GSE1: variants seen among roughly 807,000 people sequenced by gnomAD.
GSE1 encodes the protein genetic suppressor element 1.
GSE1 carries 32 observed loss-of-function variants against 112.6 expected under a neutral mutation model. That is an observed-to-expected ratio of 0.28 (90% confidence interval 0.21 to 0.38). The LOEUF (loss-of-function observed/expected upper bound fraction) is 0.38, where lower values mean the gene tolerates loss of function less well. GSE1 is among the 10% of genes least tolerant of loss of function. The pLI is 1.00. For missense variants in GSE1, 2,348 were observed against 1,699.2 expected (o/e 1.38, Z -6.71); for synonymous variants, 1,115 against 735.6 (o/e 1.52, Z -8.35).
At chr16:85,370,098 G>A (rs1267468644) in intron 2 of GSE1, among the ~76,000 whole-genome samples, 1 of 152,150 alleles carries the variant, frequency 6.6e-6, no homozygotes, top group Non-Finnish European at 1.5e-5. Flanking sequence ...CTGGATACTG[G>A]CCGGACCCAG....
chr16:85,237,191 C>T (rs567954537), intron 1 of GSE1, among the ~76,000 whole-genome samples: 15 of 152,252 alleles, frequency 9.9e-5, no homozygotes, highest in South Asian at 2.1e-4. Context: ...GGCGTGGTGG[C>T]GGTCGCCTGT....
intron 1 of GSE1, among the ~76,000 whole-genome samples, chr16:85,270,995 C>A (rs1404234450): frequency 6.6e-6 from 1 of 152,196 alleles, no homozygotes; most frequent in Non-Finnish European, 1.5e-5. Context: ...TCTCCCCCGT[C>A]TCACTGAGGC....
At chr16:85,610,338 G>C (rs1281711332), upstream of GSE1, among the ~76,000 whole-genome samples, 1 of 152,238 alleles carries the variant, frequency 6.6e-6, no homozygotes, top group Non-Finnish European at 1.5e-5. Flanking sequence ...GGGAAAGAGA[G>C]CTGTGCCCAG....
chr16:85,637,676 G>A (rs2050116629), intron 2 of GSE1, among the ~76,000 whole-genome samples: 1 of 152,080 alleles, frequency 6.6e-6, no homozygotes, highest in African/African-American at 2.4e-5. Context: ...AAGTGGCATG[G>A]GGAATTCCAA....
intron 15 of GSE1, chr16:85,671,864 G>C (rs1279571241): frequency 1.3e-5 from 2 of 158,292 alleles, no homozygotes; most frequent in Non-Finnish European, 2.8e-5. Context: ...GCAGGGATGG[G>C]AAGCAGGTCT....
intron 1 of GSE1, among the ~76,000 whole-genome samples, chr16:85,287,656 C>T (rs1397568065): frequency 6.6e-6 from 1 of 152,048 alleles, no homozygotes; most frequent in African/African-American, 2.4e-5. Flanking sequence ...TCTGTGGGGT[C>T]TTTCCTGACC....
At chr16:85,427,364 G>A (rs777510596) in intron 2 of GSE1, among the ~76,000 whole-genome samples, 9 of 152,190 alleles carry the variant, frequency 5.9e-5, no homozygotes, top group Non-Finnish European at 1.2e-4. Context: ...GTTTTAGGCC[G>A]GGCGCAGGGG....
intron 2 of GSE1, among the ~76,000 whole-genome samples, chr16:85,638,067 G>A (rs1038967883): frequency 3.3e-5 from 5 of 152,182 alleles, no homozygotes; most frequent in Non-Finnish European, 7.4e-5. Flanking sequence ...AGCCGCCTGC[G>A]GCAAGCCTTC....
At chr16:85,385,633 G>A (rs894531790) in intron 2 of GSE1, among the ~76,000 whole-genome samples, 18 of 152,202 alleles carry the variant, frequency 1.2e-4, no homozygotes, top group African/African-American at 4.3e-4. Context: ...CCTGGCTGCT[G>A]ACAGATGGTC....
At chr16:85,366,876 G>A (rs998817593) in intron 2 of GSE1, among the ~76,000 whole-genome samples, 1 of 152,258 alleles carries the variant, frequency 6.6e-6, no homozygotes, top group Non-Finnish European at 1.5e-5. Context: ...TTCCCAATAA[G>A]TTGGTGATAA....
At chr16:85,246,770 C>G (rs1008209101) in intron 1 of GSE1, among the ~76,000 whole-genome samples, 1 of 152,020 alleles carries the variant, frequency 6.6e-6, no homozygotes, top group Non-Finnish European at 1.5e-5. Context: ...GAAATGGGCA[C>G]CCTCTGGGGG....
chr16:85,519,342 C>T (rs1464968804), intron 2 of GSE1, among the ~76,000 whole-genome samples: 5 of 135,606 alleles, frequency 3.7e-5, no homozygotes, highest in African/African-American at 1.5e-4. Flanking sequence ...ACTTTTACCA[C>T]CATCACTATC....
At chr16:85,414,367 T>A (rs1268892392) in intron 2 of GSE1, among the ~76,000 whole-genome samples, 1 of 152,224 alleles carries the variant, frequency 6.6e-6, no homozygotes, top group Non-Finnish European at 1.5e-5. Context: ...GATTTCACAT[T>A]TTATATCATG....
chr16:85,512,730 C>T (rs973433878), intron 2 of GSE1, among the ~76,000 whole-genome samples: 3 of 152,132 alleles, frequency 2.0e-5, no homozygotes, highest in African/African-American at 7.2e-5. Context: ...GCGCTCCCAT[C>T]ACCCAGGGAA....
At chr16:85,188,080 T>C (rs1181633126) in intron 1 of GSE1, among the ~76,000 whole-genome samples, 1 of 152,194 alleles carries the variant, frequency 6.6e-6, no homozygotes, top group Non-Finnish European at 1.5e-5. Context: ...CCGTGGCCAC[T>C]GTCATCCAAG....
chr16:85,474,794 G>A (rs1401698497), intron 2 of GSE1, among the ~76,000 whole-genome samples: 1 of 151,998 alleles, frequency 6.6e-6, no homozygotes, highest in Non-Finnish European at 1.5e-5. Flanking sequence ...GGAAGGGGGA[G>A]CCTGGAGAAG....
upstream of GSE1, among the ~76,000 whole-genome samples, chr16:85,606,894 C>T (rs920909914): frequency 2.6e-5 from 4 of 152,220 alleles, no homozygotes. Context: ...GAGCGCTGCT[C>T]CCCCAGCCCC....
rs532121371 is a variant in GSE1 at position 85,473,259 on chromosome 16, A to G, written c.2464+115616A>G. 2.6e-5 allele frequency among the ~76,000 whole-genome samples: 4 copies of G among 152,362 alleles called. No individual in the cohort carries two copies. The South Asian group carries it at 8.3e-4, about 32-fold the overall frequency. ...GCCTGGGGAGCTTGTTTCAGGCAATAAACCATAAAAGTGATGAGTGGAAAG... is the reference window on the plus strand; with the variant it reads ...GCCTGGGGAGCTTGTTTCAGGCAATGAACCATAAAAGTGATGAGTGGAAAG... On this transcript the variant is annotated intron_variant, in intron 2 of 2. Coordinates refer to the GSE1 transcript ENST00000637419.
intron 2 of GSE1, among the ~76,000 whole-genome samples, chr16:85,372,585 C>T (rs761230302): frequency 3.2e-4 from 49 of 151,964 alleles, no homozygotes; most frequent in Non-Finnish European, 5.6e-4. Flanking sequence ...GGGCTGGCTG[C>T]GAGGTAGTGA....
Sources: allele counts gnomAD v4.1 joint callset (sites outside exome capture counted in the v4.1 genomes callset), GRCh38; gene constraint gnomAD v4.1.1; transcripts MANE v1.5; gene names NCBI Gene and HGNC (gene_info 2026-07-23, HGNC 2026-07-21).